CDKL5: variants seen among roughly 807,000 people sequenced by gnomAD.
CDKL5 encodes cyclin-dependent kinase-like 5.
In CDKL5, 8 loss-of-function variants were observed where a neutral mutation model predicts 61.7. The observed-to-expected ratio is 0.13, with a 90% CI of 0.08 to 0.23. CDKL5 has a LOEUF of 0.23. CDKL5 is among the 10% of genes least tolerant of loss of function. CDKL5 has a pLI of 1.00. For missense variants in CDKL5, 440 were observed against 734.5 expected (o/e 0.60, Z 4.63); for synonymous variants, 275 against 272.3 (o/e 1.01, Z -0.10).
chrX:18,608,534 A>AT (rs747216281), intron 12 of CDKL5, among the ~76,000 whole-genome samples: 7 of 110,953 alleles, frequency 6.3e-5, no homozygotes, highest in South Asian at 3.8e-4. Flanking sequence ...TAGAATGGTA[A>AT]TTTTTTTTGT....
chrX:18,459,874 T>C (rs752337537), intron 1 of CDKL5, among the ~76,000 whole-genome samples: 29 of 103,895 alleles, frequency 2.8e-4, no homozygotes, highest in Non-Finnish European at 4.7e-4. Context: ...CCAGCTAATT[T>C]TTTTTTTCTT....
intron 1 of CDKL5, among the ~76,000 whole-genome samples, chrX:18,441,492 A>G (rs1931742136): frequency 9.0e-6 from 1 of 111,303 alleles, no homozygotes; most frequent in African/African-American, 3.3e-5. Flanking sequence ...AGAAGGGACT[A>G]TTTGCTTTAA....
At chrX:18,487,355 A>T (rs189719908) in intron 1 of CDKL5, among the ~76,000 whole-genome samples, 389 of 112,474 alleles carry the variant, frequency 3.5e-3, no homozygotes, top group African/African-American at 0.012. Context: ...ACCGGAGTGC[A>T]CTAGTGATCA....
chrX:18,447,399 C>T (rs1931906139), intron 1 of CDKL5, among the ~76,000 whole-genome samples: 1 of 111,665 alleles, frequency 9.0e-6, no homozygotes, highest in South Asian at 3.7e-4. Flanking sequence ...CCCCTTCTCA[C>T]TGAAACTTCT....
intron 1 of CDKL5, among the ~76,000 whole-genome samples, chrX:18,463,584 G>A (rs1043061811): frequency 1.8e-5 from 2 of 111,679 alleles, no homozygotes; most frequent in Non-Finnish European, 3.8e-5. Flanking sequence ...TTTTATATTT[G>A]GGAAACAGAA....
chrX:18,571,151 T>C (rs749291868), intron 4 of CDKL5, among the ~76,000 whole-genome samples: 1 of 111,248 alleles, frequency 9.0e-6, no homozygotes, highest in East Asian at 2.8e-4. Flanking sequence ...TTGCATAGCG[T>C]GTATGTGAAT....
intron 1 of CDKL5, among the ~76,000 whole-genome samples, chrX:18,501,347 T>C (rs1326468753): frequency 9.2e-6 from 1 of 109,062 alleles, no homozygotes; most frequent in East Asian, 2.9e-4. Context: ...CTAATTTTTG[T>C]ATTTTTAGTA....
chrX:18,575,620 A>G, intron 5 of CDKL5, 130 bp downstream of exon 5: 2 of 606,631 alleles, frequency 3.3e-6, no homozygotes, highest in Non-Finnish European at 5.4e-6. Flanking sequence ...GACTTTAAAA[A>G]TGAAAGTGTT....
At chrX:18,509,195 A>ACGCACGCG (rs1348103497) in intron 2 of CDKL5, among the ~76,000 whole-genome samples, 2 of 64,692 alleles carry the variant, frequency 3.1e-5, no homozygotes, top group South Asian at 1.2e-3. Flanking sequence ...GTCTCAAAAC[A>ACGCACGCG]CGCACACACA....
chrX:18,648,886 G>A (rs1159206895), intron 20 of CDKL5, among the ~76,000 whole-genome samples: 1 of 109,748 alleles, frequency 9.1e-6, no homozygotes, highest in Non-Finnish European at 1.9e-5. Flanking sequence ...AGACCAGCCT[G>A]GGGCAACATA....
intron 1 of CDKL5, among the ~76,000 whole-genome samples, chrX:18,494,858 T>C (rs1422663731): frequency 8.9e-6 from 1 of 112,094 alleles, no homozygotes; most frequent in Non-Finnish European, 1.9e-5. Context: ...ATCAAGTTAC[T>C]CTCCACTTTT....
intron 1 of CDKL5, among the ~76,000 whole-genome samples, chrX:18,484,215 G>A (rs1443281242): frequency 8.9e-6 from 1 of 112,463 alleles, no homozygotes; most frequent in East Asian, 2.8e-4. Context: ...AATGAGAAGC[G>A]CAAGTAACTA....
chrX:18,509,091 AACAC>A (rs34278137), intron 2 of CDKL5, among the ~76,000 whole-genome samples: 3,992 of 74,691 alleles, frequency 0.053, 126 homozygotes, highest in Non-Finnish European at 0.07. Context: ...ACTGTCTCAA[AACAC>A]ACACACACAC....
chrX:18,595,331 T>C lies in CDKL5; in HGVS notation c.745-17T>C. 8.9e-7 allele frequency: 1 copy of C among 1,123,351 alleles called. No individual in the cohort carries two copies. The highest frequency in any genetic ancestry group is 1.2e-6 in the Non-Finnish European group (1 of 814,744). 92.6% of individuals were successfully genotyped at this position (1,123,351 alleles called of 1,213,427 possible). ...CCTTCCCCAAATGTTAACATTCCCT[T>C]TGTGTATGTCTCACAGTTTCCAGCT... On this transcript the variant is annotated splice_polypyrimidine_tract_variant and intron_variant, in intron 9 of 17. Transcript: ENST00000623535.
chrX:18,467,244 C>A (rs1289207442), intron 1 of CDKL5, among the ~76,000 whole-genome samples: 2 of 111,284 alleles, frequency 1.8e-5, no homozygotes, highest in African/African-American at 6.5e-5. Context: ...TAAGGAACAT[C>A]TGAGCCCCCA....
intron 1 of CDKL5, among the ~76,000 whole-genome samples, chrX:18,452,825 T>G (rs1222885937): frequency 1.4e-5 from 1 of 73,467 alleles, no homozygotes; most frequent in Non-Finnish European, 2.7e-5. Flanking sequence ...TCAAGTTTTT[T>G]TTTTTTTTTT....
intron 1 of CDKL5, among the ~76,000 whole-genome samples, chrX:18,469,591 T>C (rs760324533): frequency 4.9e-4 from 51 of 104,469 alleles, no homozygotes; most frequent in African/African-American, 1.8e-3. Flanking sequence ...GAGGTTGCAA[T>C]GAGCCGAGAT....
At chrX:18,522,095 A>G (rs1314605692) in intron 3 of CDKL5, among the ~76,000 whole-genome samples, 1 of 110,290 alleles carries the variant, frequency 9.1e-6, no homozygotes, top group Non-Finnish European at 1.9e-5. Context: ...TGAAATTTTG[A>G]TAGAGATTGC....
chrX:18,467,179 G>A (rs187660440), intron 1 of CDKL5, among the ~76,000 whole-genome samples: 66 of 109,705 alleles, frequency 6.0e-4, no homozygotes, highest in Non-Finnish European at 1.2e-3. Flanking sequence ...GTGTTCATAG[G>A]GTACCGAACT....
Sources: gnomAD v4.1 joint callset for allele counts (sites outside exome capture counted in the v4.1 genomes callset) on GRCh38, gnomAD v4.1.1 for gene constraint, MANE v1.5 for transcripts, NCBI Gene and HGNC (gene_info 2026-07-23, HGNC 2026-07-21) for gene names.